The following CCDC38 variants were observed in gnomAD, a reference collection of about 807,000 sequenced individuals.
CCDC38 encodes the protein coiled-coil domain containing 38, also known as coiled-coil domain-containing protein 38.
CCDC38 carries 69 observed loss-of-function variants against 72.8 expected under a neutral mutation model. That is an observed-to-expected ratio of 0.95 (90% CI 0.78 to 1.16). The LOEUF is 1.16. CCDC38 is among the 50% of genes most tolerant of loss of function. CCDC38 has a pLI of 0.00. For missense variants in CCDC38, 626 were observed against 638.9 expected, an observed-to-expected ratio of 0.98 and a Z score of 0.22; for synonymous variants, 201 against 213.2, an observed-to-expected ratio of 0.94 and a Z score of 0.50.
At chr12:95,919,585 C>G (rs957461513) in intron 2 of CCDC38, 2 of 456,020 alleles carry the variant, frequency 4.4e-6, no homozygotes, top group Non-Finnish European at 8.8e-6. Context: ...GTCACAGCTC[C>G]TCTGTCTGTT....
In CCDC38 at chr12:95,906,827, TA is replaced by T. The variant is rs371071345; in HGVS notation, c.305-377del. 4.5e-3 allele frequency among the ~76,000 whole-genome samples: 670 copies of T among 149,734 alleles called. 5 individuals carry two copies. Among genetic ancestry groups the T allele is most frequent in the African/African-American group, 0.016 (635 of 40,518 alleles). On this transcript the variant is annotated intron_variant, in intron 4 of 15. Transcript: ENST00000344280. ...TTATTTATTTATTTATTTATTTATT[TA>T]TTTGTTTGTTTTTTATTGATCATTC... is the stretch of plus-strand genomic sequence containing the variant.
intron 8 of CCDC38, 142 bp downstream of exon 8, chr12:95,894,847 A>T: frequency 1.5e-6 from 1 of 665,840 alleles, no homozygotes; most frequent in Non-Finnish European, 2.4e-6. Context: ...TTTCCAAATT[A>T]ATGATATACA....
chr12:95,930,958 C>T (rs1315727877), intron 2 of CCDC38, among the ~76,000 whole-genome samples: 1 of 125,694 alleles, frequency 8.0e-6, no homozygotes, highest in Non-Finnish European at 1.7e-5. Flanking sequence ...CTTGCAAATC[C>T]CTGACATTAC....
At position 95,879,568 on chromosome 12, in the gene CCDC38, C is replaced by T. The variant is rs2079674710; in HGVS notation, c.1142+76G>A. The stretch of plus-strand genomic sequence containing the variant: ...TCACAGAGACCACGAGGAAGAGCCA[C>T]ATGTGAGTGAGTTGGACCCAGGCTC... On this transcript the variant is annotated intron_variant, in intron 12 of 15. Coordinates refer to ENST00000344280, the MANE Select transcript of CCDC38 (RefSeq NM_182496.3). The surrounding 1 kb of genome is among the most constrained non-coding windows in gnomAD (Gnocchi z 5.5). The T allele has an allele frequency of 3.9e-6, 4 of 1,016,010 alleles. No homozygotes were observed. Among genetic ancestry groups the T allele is most frequent in the South Asian group, 1.7e-5 (1 of 60,138 alleles). 62.9% of individuals were successfully genotyped at this position (1,016,010 alleles called of 1,614,324 possible).
intron 11 of CCDC38, 21 bp downstream of exon 11, chr12:95,881,464 T>C (rs1565944474): frequency 1.3e-6 from 2 of 1,574,208 alleles, no homozygotes; most frequent in Middle Eastern, 1.7e-4. Context: ...ATATTTAAAC[T>C]AGCAAATATA....
At chr12:95,893,778 A>G (rs2121464521) in intron 8 of CCDC38, among the ~76,000 whole-genome samples, 1 of 151,982 alleles carries the variant, frequency 6.6e-6, no homozygotes, top group East Asian at 1.9e-4. Context: ...ACCATGTCCC[A>G]CCTTCTTGTG....
At chr12:95,886,937 C>A (rs10859972) in intron 10 of CCDC38, among the ~76,000 whole-genome samples, 19,721 of 152,212 alleles carry the variant, frequency 0.13, 1,466 homozygotes, top group South Asian at 0.26. Context: ...GTAATCCCAG[C>A]ACTTTGAAGG....
intron 2 of CCDC38, chr12:95,935,291 C>T (rs184614689): frequency 6.5e-6 from 1 of 153,078 alleles, no homozygotes; most frequent in East Asian, 1.9e-4. Context: ...CCTAAATGAA[C>T]ACTCAGAGTA....
At chr12:95,918,823 A>C in intron 3 of CCDC38, 53 bp downstream of exon 3, 1 of 1,206,040 alleles carries the variant, frequency 8.3e-7, no homozygotes, top group Non-Finnish European at 1.2e-6. Context: ...AGCAATAGGT[A>C]AGTGGATATG....
chr12:95,878,341 C>T lies in CCDC38; in HGVS notation c.1148G>A (p.Ser383Asn), dbSNP rs1161185287. The part of the protein sequence containing the change: ...REKVIQDKTN[S>N]NIEFLLEQEK... ...TTGCTCCAAAAGAAACTCTATGTTGCTATTTCTATTACAAAAGAAGAAAGA... is the reference window on the plus strand; with the variant it reads ...TTGCTCCAAAAGAAACTCTATGTTGTTATTTCTATTACAAAAGAAGAAAGA... Residue 383 changes from serine to asparagine, a missense_variant, in exon 13 of 16, where the codon AGC (serine) becomes AAC (asparagine). Transcript: ENST00000344280. The T allele has an allele frequency of 1.2e-6, 2 of 1,609,438 alleles. No individual in the cohort carries two copies. Among genetic ancestry groups the T allele is most frequent in the Non-Finnish European group, 1.7e-6 (2 of 1,178,852 alleles).
intron 7 of CCDC38, among the ~76,000 whole-genome samples, chr12:95,897,611 A>G: frequency 2.0e-5 from 1 of 50,890 alleles, no homozygotes; most frequent in Non-Finnish European, 3.5e-5. Flanking sequence ...ACTCCCTCTC[A>G]AAAAAAAAAA....
intron 11 of CCDC38, among the ~76,000 whole-genome samples, chr12:95,880,383 C>T (rs954734337): frequency 5.9e-5 from 9 of 152,086 alleles, no homozygotes; most frequent in African/African-American, 1.7e-4. Context: ...TGACCGGGTG[C>T]GGTGGCTCAC....
chr12:95,912,982 C>T (rs2080110328), intron 4 of CCDC38, among the ~76,000 whole-genome samples: 1 of 152,042 alleles, frequency 6.6e-6, no homozygotes, highest in Non-Finnish European at 1.5e-5. Flanking sequence ...GGGAGGATCC[C>T]TTGAGCCAGG....
chr12:95,902,845 T>A (rs2079964059), intron 5 of CCDC38, among the ~76,000 whole-genome samples: 1 of 152,152 alleles, frequency 6.6e-6, no homozygotes, highest in Admixed American at 6.6e-5. Context: ...TTTAGATCCT[T>A]CATAGCTCTT....
At chr12:95,888,817 A>G (rs373902858) in intron 9 of CCDC38, among the ~76,000 whole-genome samples, 3 of 152,068 alleles carry the variant, frequency 2.0e-5, no homozygotes, top group African/African-American at 7.2e-5. Flanking sequence ...CTCACTGTCT[A>G]TAACTATATA....
rs2080155478 is a variant in CCDC38, at chr12:95,917,259, C to A, written c.174G>T (p.Gln58His). The A allele has an allele frequency of 6.2e-7, 1 of 1,600,986 alleles. No individual in the cohort carries two copies. Among genetic ancestry groups the A allele is most frequent in the Non-Finnish European group, 8.5e-7 (1 of 1,177,318 alleles). ...KFMNRNMKVY[Q>H]KTTFSSRMKS... The stretch of plus-strand genomic sequence containing the variant: ...TCATTCTGGATGAAAAAGTAGTTTT[C>A]TGGTAGACTTTCATGTTACGGTTCA... The change falls in exon 4 of 16, where the codon CAG becomes CAT. Residue 58 changes from glutamine to histidine, a missense_variant. Transcript: ENST00000344280.
At chr12:95,911,871 A>T (rs2080097930) in intron 4 of CCDC38, among the ~76,000 whole-genome samples, 1 of 152,062 alleles carries the variant, frequency 6.6e-6, no homozygotes, top group Admixed American at 6.5e-5. Flanking sequence ...CTGGGTACCT[A>T]CCTCCCCAAA....
At chr12:95,939,128 C>T (rs1283822768) in intron 1 of CCDC38, among the ~76,000 whole-genome samples, 2 of 152,192 alleles carry the variant, frequency 1.3e-5, no homozygotes, top group African/African-American at 2.4e-5. Flanking sequence ...AGGTAAGTTA[C>T]CACGTCCAGC....
chr12:95,909,156 A>G (rs1305163343), intron 4 of CCDC38, among the ~76,000 whole-genome samples: 1 of 152,212 alleles, frequency 6.6e-6, no homozygotes, highest in Middle Eastern at 3.2e-3. Context: ...ACCACTAGCT[A>G]GATTAACAAA....
Sources: allele counts gnomAD v4.1 joint callset (sites outside exome capture counted in the v4.1 genomes callset), GRCh38; gene constraint gnomAD v4.1.1; non-coding constraint Gnocchi (gnomAD v3.1); transcripts MANE v1.5; gene names NCBI Gene and HGNC (gene_info 2026-07-23, HGNC 2026-07-21).